SNTG1: variants seen among roughly 807,000 people sequenced by gnomAD.
SNTG1 encodes syntrophin gamma 1.
SNTG1 carries 39 observed loss-of-function variants against 74.7 expected under a neutral mutation model. The observed-to-expected ratio is 0.52, with a 90% CI of 0.40 to 0.68. The LOEUF (loss-of-function observed/expected upper bound fraction) is 0.68, where lower values mean the gene tolerates loss of function less well. Among genes scored for constraint, SNTG1 ranks in the 30% least tolerant of loss-of-function variants. The pLI is 0.00. For synonymous variants in SNTG1, 254 were observed against 217.1 expected, an observed-to-expected ratio of 1.17 and a Z score of -1.49; for missense variants, 685 against 609.5, an observed-to-expected ratio of 1.12 and a Z score of -1.30.
intron 15 of SNTG1, among the ~76,000 whole-genome samples, chr8:50,680,809 G>A (rs1053749498): frequency 3.3e-5 from 5 of 152,040 alleles, no homozygotes; most frequent in Non-Finnish European, 5.9e-5. Flanking sequence ...GTATGTGCTC[G>A]CAGCTCCAAC....
At chr8:50,604,847 T>C (rs920966623) in intron 13 of SNTG1, among the ~76,000 whole-genome samples, 1 of 152,130 alleles carries the variant, frequency 6.6e-6, no homozygotes, top group Non-Finnish European at 1.5e-5. Context: ...GCTGGAAATG[T>C]ACTAGGTCTC....
chr8:50,768,160 T>C (rs2095618472), intron 18 of SNTG1, among the ~76,000 whole-genome samples: 1 of 151,990 alleles, frequency 6.6e-6, no homozygotes, highest in Non-Finnish European at 1.5e-5. Flanking sequence ...CCATCTCAGG[T>C]ACTACAGCAT....
chr8:50,041,909 T>C (rs1010730638), intron 1 of SNTG1, among the ~76,000 whole-genome samples: 4 of 152,218 alleles, frequency 2.6e-5, no homozygotes, highest in African/African-American at 9.6e-5. Context: ...CAGCTGCACC[T>C]GGATCCCATC....
intron 2 of SNTG1, among the ~76,000 whole-genome samples, chr8:50,269,234 G>T (rs1411557308): frequency 2.6e-5 from 4 of 152,054 alleles, no homozygotes. Flanking sequence ...CATAAATTGG[G>T]CTTTATAAAA....
chr8:50,130,553 AT>A (rs2131398805), intron 1 of SNTG1, among the ~76,000 whole-genome samples: 1 of 152,266 alleles, frequency 6.6e-6, no homozygotes, highest in South Asian at 2.1e-4. Flanking sequence ...CACTTTCACA[AT>A]GCTAAAAGAA....
At chr8:50,576,164 G>A (rs1431848940) in intron 12 of SNTG1, among the ~76,000 whole-genome samples, 1 of 152,122 alleles carries the variant, frequency 6.6e-6, no homozygotes, top group African/African-American at 2.4e-5. Flanking sequence ...TGAATATAAT[G>A]TAATGGAAGG....
intron 18 of SNTG1, among the ~76,000 whole-genome samples, chr8:50,783,841 C>G (rs2095667242): frequency 6.6e-6 from 1 of 152,202 alleles, no homozygotes; most frequent in Admixed American, 6.5e-5. Flanking sequence ...GCCATCTTGG[C>G]TCCAGAACTT....
At chr8:50,103,682 A>T (rs1305534694) in intron 1 of SNTG1, among the ~76,000 whole-genome samples, 3 of 152,250 alleles carry the variant, frequency 2.0e-5, no homozygotes, top group South Asian at 2.1e-4. Context: ...ATTCAGAATG[A>T]TATTGGCTGT....
intron 18 of SNTG1, among the ~76,000 whole-genome samples, chr8:50,771,584 G>A (rs2095627266): frequency 6.6e-6 from 1 of 152,148 alleles, no homozygotes; most frequent in South Asian, 2.1e-4. Flanking sequence ...GGCATGTTTG[G>A]AAAGGGTGCT....
At chr8:50,213,687 G>A (rs947873027) in intron 2 of SNTG1, among the ~76,000 whole-genome samples, 7 of 151,898 alleles carry the variant, frequency 4.6e-5, no homozygotes, top group East Asian at 1.9e-4. Flanking sequence ...CAGTGATGGT[G>A]AGCATTTTTT....
intron 2 of SNTG1, among the ~76,000 whole-genome samples, chr8:50,214,254 G>A (rs1414815723): frequency 2.7e-5 from 3 of 110,298 alleles, no homozygotes; most frequent in African/African-American, 1.1e-4. Context: ...TCTGGGGACT[G>A]TTGTGGGGTG....
chr8:50,744,367 A>G (rs999369509), intron 17 of SNTG1, among the ~76,000 whole-genome samples: 1 of 152,056 alleles, frequency 6.6e-6, no homozygotes, highest in Non-Finnish European at 1.5e-5. Flanking sequence ...AATTGGGGAT[A>G]TACTTAACCA....
At chr8:50,678,765 C>T (rs1319032050) in intron 15 of SNTG1, among the ~76,000 whole-genome samples, 2 of 152,074 alleles carry the variant, frequency 1.3e-5, no homozygotes, top group Non-Finnish European at 2.9e-5. Context: ...ATAACTGGCT[C>T]TTGTCAAAAT....
chr8:50,249,121 G>C (rs2086529816), intron 2 of SNTG1, among the ~76,000 whole-genome samples: 1 of 152,048 alleles, frequency 6.6e-6, no homozygotes, highest in Admixed American at 6.6e-5. Flanking sequence ...ACAAGCTGGA[G>C]ACACTCATTG....
At chr8:50,112,188 T>C (rs1244064085) in intron 1 of SNTG1, among the ~76,000 whole-genome samples, 2 of 152,138 alleles carry the variant, frequency 1.3e-5, no homozygotes, top group East Asian at 3.8e-4. Context: ...TGACTAAAAC[T>C]AAATTTGCAT....
intron 11 of SNTG1, among the ~76,000 whole-genome samples, chr8:50,551,193 T>A (rs550708839): frequency 6.6e-6 from 1 of 152,258 alleles, no homozygotes; most frequent in South Asian, 2.1e-4. Flanking sequence ...TATGATCAAC[T>A]TATACTATAA....
intron 2 of SNTG1, among the ~76,000 whole-genome samples, chr8:50,173,227 G>C (rs1020786229): frequency 6.6e-6 from 1 of 152,174 alleles, no homozygotes; most frequent in Non-Finnish European, 1.5e-5. Context: ...GATGCAGGTG[G>C]ATCAATGACC....
In SNTG1 at chr8:50,067,931, G is replaced by A. The variant is rs188969739; in HGVS notation, c.-102-104630G>A. On this transcript the variant is annotated intron_variant, in intron 1 of 18. Transcript: ENST00000642720. Reference sequence around the variant, plus strand: ...TGCAGATATCTTTCATGCAAATTCAGATTTTTTTCTTCCCTAAAGATTCCT... The same window carrying A: ...TGCAGATATCTTTCATGCAAATTCAAATTTTTTTCTTCCCTAAAGATTCCT... Among the ~76,000 whole-genome samples the A allele has an allele frequency of 2.6e-3, 394 of 152,264 alleles. 3 individuals are homozygous for A. Among genetic ancestry groups the A allele is most frequent in the African/African-American group, 9.2e-3 (381 of 41,556 alleles).
chr8:50,188,799 A>T (rs1328181749), intron 2 of SNTG1, among the ~76,000 whole-genome samples: 1 of 152,142 alleles, frequency 6.6e-6, no homozygotes, highest in South Asian at 2.1e-4. Context: ...AGCAGAGTAG[A>T]CGTTCACTGA....
Sources: gnomAD v4.1 joint callset for allele counts (sites outside exome capture counted in the v4.1 genomes callset) on GRCh38, gnomAD v4.1.1 for gene constraint, MANE v1.5 for transcripts, NCBI Gene and HGNC (gene_info 2026-07-23, HGNC 2026-07-21) for gene names.